The following TJAP1 variants were observed in gnomAD, a reference collection of about 807,000 sequenced individuals.
TJAP1 encodes tight junction-associated protein 1.
TJAP1 carries 27 observed loss-of-function variants against 42.0 expected under a neutral mutation model. The observed-to-expected ratio is 0.64, with a 90% CI of 0.47 to 0.89. The LOEUF (loss-of-function observed/expected upper bound fraction) is 0.89, where lower values mean the gene tolerates loss of function less well. Among genes scored for constraint, TJAP1 ranks in the 40% least tolerant of loss-of-function variants. The pLI, the probability that TJAP1 is intolerant of heterozygous loss-of-function variation, is 0.00. For synonymous variants in TJAP1, 257 were observed against 288.4 expected (o/e 0.89, Z 1.10); for missense variants, 712 against 726.9 (o/e 0.98, Z 0.24).
At chr6:43,499,884 C>T (rs1790112094) in intron 4 of TJAP1, among the ~76,000 whole-genome samples, 1 of 152,164 alleles carries the variant, frequency 6.6e-6, no homozygotes, top group Non-Finnish European at 1.5e-5. Flanking sequence ...ATTAAGATGC[C>T]AGCTATTATG....
Position 43,492,174 on chromosome 6 carries a change from G to A in TJAP1, c.-121-5707G>A, listed in dbSNP as rs1350945457. Reference sequence around the variant, plus strand: ...GAAGTGTTTGCTCATGTGGGAGCCAGATGAGCTCTCACAGGTCACCAGCAC... The same window carrying A: ...GAAGTGTTTGCTCATGTGGGAGCCAAATGAGCTCTCACAGGTCACCAGCAC... On this transcript the variant is annotated intron_variant, in intron 2 of 10. Coordinates refer to ENST00000372449, the Ensembl canonical transcript of TJAP1. The surrounding 1 kb of genome is among the most constrained non-coding windows in gnomAD (Gnocchi z 4.2). Among the ~76,000 whole-genome samples, 1 of 152,350 alleles carries A rather than the reference G, an allele frequency of 6.6e-6. No individual in the cohort carries two copies. The highest frequency in any genetic ancestry group is 1.9e-4 in the East Asian group (1 of 5,186).
intron 2 of TJAP1, among the ~76,000 whole-genome samples, chr6:43,484,572 T>C (rs1380098705): frequency 1.3e-5 from 2 of 152,236 alleles, no homozygotes; most frequent in Non-Finnish European, 2.9e-5. Context: ...AAATCTAAAA[T>C]AAGCCTTTTG....
At position 43,477,934 on chromosome 6, in the gene TJAP1, T is replaced by C. The variant is rs149996029; in HGVS notation, c.-267-153T>C. ...TTTCTTAGCCGCGAATAAAGAAGCC[T>C]GGAGCGTGGGATAGAGGCCCGACTG... On this transcript the variant is annotated intron_variant, in intron 1 of 10. Coordinates refer to ENST00000372449, the Ensembl canonical transcript of TJAP1. Among the ~76,000 whole-genome samples the C allele has an allele frequency of 1.3e-3, 192 of 152,116 alleles. 1 individual carries two copies. Among genetic ancestry groups the C allele is most frequent in the East Asian group, 0.012 (63 of 5,174 alleles).
chr6:43,500,835 G>A (rs1790362413), intron 5 of TJAP1, 63 bp downstream of exon 5: 2 of 1,594,008 alleles, frequency 1.3e-6, no homozygotes, highest in Non-Finnish European at 8.6e-7. Flanking sequence ...CTCCAGGCTA[G>A]ACTGTTGGTA....
intron 8 of TJAP1, chr6:43,502,994 G>A: frequency 4.4e-6 from 2 of 456,078 alleles, no homozygotes; most frequent in Non-Finnish European, 4.0e-6. Flanking sequence ...TGCCCTGGCT[G>A]CCACCGCGCC....
At chr6:43,488,884 T>C (rs753281066) in intron 2 of TJAP1, among the ~76,000 whole-genome samples, 10 of 152,224 alleles carry the variant, frequency 6.6e-5, no homozygotes, top group Non-Finnish European at 1.2e-4. Context: ...TAGGCAATTA[T>C]TGGAAGTGTT....
intron 2 of TJAP1, among the ~76,000 whole-genome samples, chr6:43,490,571 G>A (rs1163038034): frequency 1.3e-5 from 2 of 152,168 alleles, no homozygotes; most frequent in Non-Finnish European, 2.9e-5. Context: ...TTAGGATTGG[G>A]GAGGTAGAGG....
exon 5 of TJAP1, chr6:43,500,772 A>G: frequency 6.2e-7 from 1 of 1,614,114 alleles, no homozygotes; most frequent in South Asian, 1.1e-5. Flanking sequence ...GAAAGGATGA[A>G]GTGAGTATCT....
At chr6:43,489,359 G>T (rs1787287793) in intron 2 of TJAP1, among the ~76,000 whole-genome samples, 1 of 152,216 alleles carries the variant, frequency 6.6e-6, no homozygotes, top group Non-Finnish European at 1.5e-5. Context: ...CCCTGGCCAG[G>T]CGGCAGTGTG....
intron 2 of TJAP1, among the ~76,000 whole-genome samples, chr6:43,478,872 G>C (rs953479106): frequency 2.0e-5 from 3 of 152,180 alleles, no homozygotes; most frequent in African/African-American, 7.2e-5. Context: ...GGAATGTTTA[G>C]CACCGCACTG....
intron 2 of TJAP1, among the ~76,000 whole-genome samples, chr6:43,486,138 T>A (rs561946031): frequency 6.6e-6 from 1 of 151,742 alleles, no homozygotes; most frequent in African/African-American, 2.4e-5. Context: ...CTAACTTTTG[T>A]ATTTTTAGTA....
At chr6:43,500,962 TC>T in intron 5 of TJAP1, 190 bp downstream of exon 5, 1 of 650,150 alleles carries the variant, frequency 1.5e-6, no homozygotes, top group Non-Finnish European at 2.7e-6. Context: ...ATTTTATTGT[TC>T]CATGGGCTTC....
intron 2 of TJAP1, among the ~76,000 whole-genome samples, chr6:43,482,241 G>A (rs1454269536): frequency 2.0e-5 from 3 of 152,198 alleles, no homozygotes; most frequent in African/African-American, 2.4e-5. Flanking sequence ...GTTGCAAGGT[G>A]AAGGATGATG....
At chr6:43,503,569 C>T (rs991630820) in intron 9 of TJAP1, 54 bp from the exon 10 acceptor site, 1 of 1,611,802 alleles carries the variant, frequency 6.2e-7, no homozygotes, top group African/African-American at 1.3e-5. Flanking sequence ...CTGGCTCGGC[C>T]CTGCTTCCTT....
chr6:43,493,941 T>A (rs1478234835), intron 2 of TJAP1, among the ~76,000 whole-genome samples: 2 of 152,178 alleles, frequency 1.3e-5, no homozygotes, highest in Non-Finnish European at 1.5e-5. Context: ...TTCCTTTTAT[T>A]AAAGGACACT....
chr6:43,491,514 T>A lies in TJAP1; in HGVS notation c.-121-6367T>A, dbSNP rs1393292020. 6.6e-6 allele frequency among the ~76,000 whole-genome samples: 1 copy of A among 152,126 alleles called. No individual in the cohort carries two copies. The highest frequency in any genetic ancestry group is 1.5e-5 in the Non-Finnish European group (1 of 68,012). On this transcript the variant is annotated intron_variant, in intron 2 of 10. Transcript: ENST00000372449. The surrounding 1 kb of genome is among the most constrained non-coding windows in gnomAD (Gnocchi z 4.6). ...CATGTTAGTCAGGCTGGTCTCGAAC[T>A]CCCGACCTCAGGTGATCTGCCCGCC...
rs1307360322 is a variant in TJAP1, at chr6:43,495,584, A to T, written c.-121-2297A>T. ...ATTGCCTTCTGCTTCCTTAGTTGGG[A>T]GTGGTTTCCCATACCTGTAACTCTG... is the stretch of plus-strand genomic sequence containing the variant. On this transcript the variant is annotated intron_variant, in intron 2 of 10. Transcript: ENST00000372449. The surrounding 1 kb of genome is among the most constrained non-coding windows in gnomAD (Gnocchi z 4.6). 6.6e-6 allele frequency among the ~76,000 whole-genome samples: 1 copy of T among 151,982 alleles called. No individual in the cohort carries two copies. The highest frequency in any genetic ancestry group is 1.5e-5 in the Non-Finnish European group (1 of 67,988).
chr6:43,502,355 C>CTT lies in TJAP1; in HGVS notation c.357+7_357+8insTT. On this transcript the variant is annotated splice_region_variant and intron_variant, in intron 7 of 10. Transcript: ENST00000372449. Reference sequence around the variant, plus strand: ...AGGACAAGCTGCACACACTGGTAATCTGTCTGGGAGGGCAGCTTGGTGGGC... The same window carrying CTT: ...AGGACAAGCTGCACACACTGGTAATCTTTGTCTGGGAGGGCAGCTTGGTGGGC... 1 of 1,613,360 alleles carries CTT rather than the reference C, an allele frequency of 6.2e-7. No homozygotes were observed. The highest frequency in any genetic ancestry group is 1.7e-5 in the Admixed American group (1 of 60,000).
exon 6 of TJAP1, chr6:43,501,622 C>T: frequency 6.2e-7 from 1 of 1,608,410 alleles, no homozygotes; most frequent in South Asian, 1.1e-5. Flanking sequence ...TTGGGCAGGA[C>T]TGCCTGGAGC....
Sources: allele counts gnomAD v4.1 joint callset (sites outside exome capture counted in the v4.1 genomes callset), GRCh38; gene constraint gnomAD v4.1.1; non-coding constraint Gnocchi (gnomAD v3.1); transcripts MANE v1.5; gene names NCBI Gene and HGNC (gene_info 2026-07-23, HGNC 2026-07-21).